MCTP1: variants seen among roughly 807,000 people sequenced by gnomAD.
MCTP1 encodes the protein multiple C2 and transmembrane domain-containing protein 1.
MCTP1 carries 69 observed loss-of-function variants against 120.6 expected under a neutral mutation model. The ratio of observed to expected loss-of-function variants is 0.57; its 90% CI spans 0.47 to 0.70. The LOEUF is 0.70. Among genes scored for constraint, MCTP1 ranks in the 30% least tolerant of loss-of-function variants. The pLI is 0.00. For missense variants in MCTP1, 1,203 were observed against 1,248.8 expected (o/e 0.96, Z 0.55); for synonymous variants, 529 against 493.1 (o/e 1.07, Z -0.96).
intron 19 of MCTP1, among the ~76,000 whole-genome samples, chr5:94,733,918 C>T (rs1322054466): frequency 2.0e-5 from 3 of 149,952 alleles, no homozygotes; most frequent in Non-Finnish European, 4.4e-5. Flanking sequence ...GAGCCCAGAT[C>T]GTGCCACTGT....
intron 1 of MCTP1, among the ~76,000 whole-genome samples, chr5:95,120,530 A>G (rs983785440): frequency 2.0e-5 from 3 of 152,206 alleles, no homozygotes; most frequent in Non-Finnish European, 2.9e-5. Flanking sequence ...ATGGTACCAC[A>G]TATGCAAATC....
chr5:95,017,575 T>C, intron 1 of MCTP1, 91 bp from the exon 2 acceptor site: 1 of 585,146 alleles, frequency 1.7e-6, no homozygotes, highest in East Asian at 3.2e-5. Flanking sequence ...ACCCAAATTA[T>C]AAGAATTAGT....
intron 16 of MCTP1, among the ~76,000 whole-genome samples, chr5:94,869,888 A>C (rs1384008625): frequency 2.0e-5 from 3 of 152,124 alleles, no homozygotes; most frequent in African/African-American, 7.2e-5. Flanking sequence ...AAAAATAATA[A>C]AAGTTTACTT....
At chr5:95,196,454 G>C (rs914884491) in intron 1 of MCTP1, among the ~76,000 whole-genome samples, 7 of 152,154 alleles carry the variant, frequency 4.6e-5, no homozygotes. Flanking sequence ...ATACAGATCT[G>C]CTTGAAGCCA....
Position 94,707,186 on chromosome 5 carries a change from C to G in MCTP1, c.*310G>C. On this transcript the variant is annotated 3_prime_UTR_variant, in exon 23 of 23. Transcript: ENST00000515393. ...AGAGCACAGGTGAGTATTTAATCCA[C>G]TAGTAATTAGATAAGAATATATCTT... is the stretch of plus-strand genomic sequence containing the variant. 4.5e-6 allele frequency: 1 copy of G among 221,184 alleles called. No individual in the cohort carries two copies. Among genetic ancestry groups the G allele is most frequent in the Non-Finnish European group, 8.8e-6 (1 of 113,706 alleles). The allele number at this position is 221,184 out of a possible 1,614,324, so 13.7% of individuals were successfully genotyped here.
At chr5:95,171,612 T>G (rs1747301619) in intron 1 of MCTP1, among the ~76,000 whole-genome samples, 2 of 152,212 alleles carry the variant, frequency 1.3e-5, no homozygotes, top group Admixed American at 1.3e-4. Flanking sequence ...GTTCATTTCT[T>G]TTTACTCGTT....
intron 9 of MCTP1, among the ~76,000 whole-genome samples, chr5:94,912,155 A>C (rs1323792295): frequency 6.6e-6 from 1 of 152,062 alleles, no homozygotes; most frequent in Non-Finnish European, 1.5e-5. Context: ...TATTAGCACT[A>C]GTTGTAATAA....
At chr5:95,041,188 C>T (rs1211095601) in intron 1 of MCTP1, among the ~76,000 whole-genome samples, 1 of 150,804 alleles carries the variant, frequency 6.6e-6, no homozygotes, top group African/African-American at 2.4e-5. Flanking sequence ...AATAATTATG[C>T]TTATCATACT....
At chr5:94,741,162 G>A (rs1331420463) in intron 19 of MCTP1, among the ~76,000 whole-genome samples, 3 of 152,096 alleles carry the variant, frequency 2.0e-5, no homozygotes, top group Admixed American at 6.6e-5. Context: ...ACCTTTAGAA[G>A]TAAATTAGAG....
chr5:95,087,524 A>AT (rs1233348148), intron 1 of MCTP1, among the ~76,000 whole-genome samples: 2 of 152,110 alleles, frequency 1.3e-5, no homozygotes, highest in Non-Finnish European at 1.5e-5. Flanking sequence ...AGATCTCTGG[A>AT]TTTTTTCAAG....
At chr5:94,838,810 G>A (rs1561723999) in intron 17 of MCTP1, among the ~76,000 whole-genome samples, 1 of 152,162 alleles carries the variant, frequency 6.6e-6, no homozygotes, top group South Asian at 2.1e-4. Context: ...GAGTAGATGT[G>A]AGGGATTTTG....
chr5:94,847,687 T>C (rs907594344), intron 17 of MCTP1, among the ~76,000 whole-genome samples: 3 of 137,780 alleles, frequency 2.2e-5, no homozygotes, highest in Non-Finnish European at 3.1e-5. Flanking sequence ...TGTGTGTATA[T>C]ATATATATAT....
chr5:94,817,322 C>T (rs1476212472), intron 17 of MCTP1, among the ~76,000 whole-genome samples: 1 of 152,122 alleles, frequency 6.6e-6, no homozygotes, highest in Non-Finnish European at 1.5e-5. Context: ...GCATGAGAAT[C>T]GCTTGAACCC....
chr5:95,064,788 C>G (rs993650787), intron 1 of MCTP1, among the ~76,000 whole-genome samples: 2 of 152,162 alleles, frequency 1.3e-5, no homozygotes, highest in East Asian at 3.8e-4. Context: ...ACCAACAGAC[C>G]ACTTGGAAGA....
At chr5:95,197,718 A>G (rs772727382) in intron 1 of MCTP1, among the ~76,000 whole-genome samples, 7 of 152,128 alleles carry the variant, frequency 4.6e-5, no homozygotes, top group Non-Finnish European at 1.0e-4. Flanking sequence ...ATATCTCTCT[A>G]TATTATATTT....
chr5:94,943,407 G>A (rs1206416423), intron 3 of MCTP1, among the ~76,000 whole-genome samples: 1 of 152,100 alleles, frequency 6.6e-6, no homozygotes, highest in African/African-American at 2.4e-5. Context: ...AGCAAATGGA[G>A]AGAGACAGAT....
At chr5:94,812,883 AACAC>A (rs1427398163) in intron 17 of MCTP1, among the ~76,000 whole-genome samples, 1 of 150,034 alleles carries the variant, frequency 6.7e-6, no homozygotes, top group Non-Finnish European at 1.5e-5. Flanking sequence ...TCACAGACAC[AACAC>A]CAAAAGCATT....
chr5:95,015,524 T>C (rs11957016), intron 2 of MCTP1, among the ~76,000 whole-genome samples: 2,423 of 152,240 alleles, frequency 0.016, 63 homozygotes, highest in African/African-American at 0.056. Context: ...ATGTTACCGA[T>C]TTCATTAGTT....
chr5:95,083,497 G>C (rs1185146590), intron 1 of MCTP1, among the ~76,000 whole-genome samples: 1 of 152,160 alleles, frequency 6.6e-6, no homozygotes, highest in Non-Finnish European at 1.5e-5. Flanking sequence ...TCAAGGATGG[G>C]CATGTGACCC....
Sources: gnomAD v4.1 joint callset for allele counts (sites outside exome capture counted in the v4.1 genomes callset) on GRCh38, gnomAD v4.1.1 for gene constraint, MANE v1.5 for transcripts, NCBI Gene and HGNC (gene_info 2026-07-23, HGNC 2026-07-21) for gene names.